Variants in FAT3 observed in about 807,000 individuals in gnomAD.
FAT3 encodes FAT atypical cadherin 3, also known as protocadherin Fat 3.
FAT3 carries 95 observed loss-of-function variants against 310.2 expected under a neutral mutation model. The ratio of observed to expected loss-of-function variants is 0.31; its 90% confidence interval spans 0.26 to 0.36. FAT3 has a LOEUF of 0.36. FAT3 is among the 10% of genes least tolerant of loss of function. FAT3 has a pLI of 1.00. For synonymous variants in FAT3, 2,314 were observed against 2,192.9 expected (o/e 1.06, Z -1.54); for missense variants, 5,408 against 5,715.6 (o/e 0.95, Z 1.74).
At chr11:92,446,944 A>G (rs2135102932) in intron 2 of FAT3, among the ~76,000 whole-genome samples, 1 of 152,284 alleles carries the variant, frequency 6.6e-6, no homozygotes, top group South Asian at 2.1e-4. Flanking sequence ...GCAGTTTTAT[A>G]TCTTTGTATT....
At chr11:92,736,471 GT>G (rs1468270138) in intron 4 of FAT3, among the ~76,000 whole-genome samples, 6 of 152,154 alleles carry the variant, frequency 3.9e-5, no homozygotes, top group African/African-American at 1.4e-4. Context: ...GTGAAATTGA[GT>G]AGAAGAATGG....
chr11:92,593,534 G>A (rs1939545834), intron 3 of FAT3, among the ~76,000 whole-genome samples: 1 of 151,844 alleles, frequency 6.6e-6, no homozygotes, highest in Non-Finnish European at 1.5e-5. Flanking sequence ...CCTGAGCTAA[G>A]CTGTACTGGG....
chr11:92,314,163 G>C, intron 1 of FAT3: 1 of 291,314 alleles, frequency 3.4e-6, no homozygotes, highest in Non-Finnish European at 5.1e-6. Context: ...ATTCTCAAAA[G>C]TGAAGACTAC....
At chr11:92,757,433 CT>C (rs953096224) in intron 4 of FAT3, among the ~76,000 whole-genome samples, 6 of 152,116 alleles carry the variant, frequency 3.9e-5, no homozygotes, top group Non-Finnish European at 8.8e-5. Flanking sequence ...TTCTTGCATC[CT>C]TAATAAGAAA....
At chr11:92,451,204 G>A (rs958501694) in intron 2 of FAT3, among the ~76,000 whole-genome samples, 10 of 152,270 alleles carry the variant, frequency 6.6e-5, no homozygotes, top group Admixed American at 1.3e-4. Context: ...TTACCCACTC[G>A]CCTTGTGTGG....
At chr11:92,813,510 A>C (rs1003503763) in intron 13 of FAT3, among the ~76,000 whole-genome samples, 6 of 152,134 alleles carry the variant, frequency 3.9e-5, no homozygotes. Flanking sequence ...TCATTTAAGC[A>C]CCACATTCAT....
chr11:92,385,880 C>T (rs1949607703), intron 2 of FAT3, among the ~76,000 whole-genome samples: 1 of 152,208 alleles, frequency 6.6e-6, no homozygotes. Context: ...GGTGCAGTGG[C>T]TCAGCCTGTA....
intron 1 of FAT3, among the ~76,000 whole-genome samples, chr11:92,290,995 C>A (rs1417391869): frequency 2.0e-5 from 3 of 151,482 alleles, no homozygotes; most frequent in Admixed American, 2.0e-4. Flanking sequence ...AGCTAGAAGC[C>A]CCTTAGCTGT....
intron 1 of FAT3, among the ~76,000 whole-genome samples, chr11:92,337,506 A>G (rs1948120885): frequency 6.6e-6 from 1 of 152,160 alleles, no homozygotes; most frequent in African/African-American, 2.4e-5. Flanking sequence ...ATCTCAGCTC[A>G]CTGCAACCTC....
intron 1 of FAT3, among the ~76,000 whole-genome samples, chr11:92,257,615 G>A (rs1490232257): frequency 6.6e-6 from 1 of 152,088 alleles, no homozygotes; most frequent in Non-Finnish European, 1.5e-5. Flanking sequence ...TGGAACCTTT[G>A]AAAAATGGCA....
intron 4 of FAT3, among the ~76,000 whole-genome samples, chr11:92,725,522 T>C (rs1438912192): frequency 6.6e-6 from 1 of 152,022 alleles, no homozygotes; most frequent in Non-Finnish European, 1.5e-5. Flanking sequence ...GTCAATTAAA[T>C]ACCCACTTTC....
Position 92,267,051 on chromosome 11 carries a change from G to A in FAT3, c.-18+41877G>A, listed in dbSNP as rs191499533. The stretch of plus-strand genomic sequence containing the variant: ...AAGGGCATTGAGAGGCTGCCTGCCT[G>A]ACACTGCCTTGCCTGTCACGCGGGT... On this transcript the variant is annotated intron_variant, in intron 1 of 27. Transcript: ENST00000525166. 5.8e-3 allele frequency among the ~76,000 whole-genome samples: 879 copies of A among 152,244 alleles called. 11 individuals carry two copies. The highest frequency in any genetic ancestry group is 0.02 in the African/African-American group (838 of 41,538).
intron 2 of FAT3, among the ~76,000 whole-genome samples, chr11:92,380,351 T>A (rs1949463411): frequency 6.6e-6 from 1 of 152,120 alleles, no homozygotes; most frequent in African/African-American, 2.4e-5. Context: ...TGGTCTTTAA[T>A]CAGTTCTGTA....
intron 3 of FAT3, among the ~76,000 whole-genome samples, chr11:92,631,629 T>A (rs2135703438): frequency 6.6e-6 from 1 of 152,286 alleles, no homozygotes; most frequent in South Asian, 2.1e-4. Context: ...TCCCCAGCCA[T>A]GCAGAACTGT....
At position 92,839,984 on chromosome 11, in the gene FAT3, C is replaced by T. The variant is rs142047444; in HGVS notation, c.10369-578C>T. ...AATGGAGGAATGTTTTACCCCGATTCGCTTCCCTAAAGGAACATGGCAAAA... is the reference window on the plus strand; with the variant it reads ...AATGGAGGAATGTTTTACCCCGATTTGCTTCCCTAAAGGAACATGGCAAAA... On this transcript the variant is annotated intron_variant, in intron 17 of 27. Transcript: ENST00000525166. 7.1e-3 allele frequency among the ~76,000 whole-genome samples: 1,075 copies of T among 152,264 alleles called. 6 individuals carry two copies. Among genetic ancestry groups the T allele is most frequent in the African/African-American group, 0.024 (1,010 of 41,540 alleles).
chr11:92,800,094 A>C lies in FAT3; in HGVS notation c.7081A>C (p.Thr2361Pro), dbSNP rs1397498209. 6.2e-7 allele frequency: 1 copy of C among 1,613,974 alleles called. No homozygotes were observed. The highest frequency in any genetic ancestry group is 1.7e-5 in the Admixed American group (1 of 60,030). The change falls in exon 10 of 28, where the codon ACT (threonine) becomes CCT (proline). Residue 2361 changes from threonine (T) to proline (P), a missense_variant. Thr to Pro is a conservative substitution (Grantham distance 38, BLOSUM62 -1). This residue lies in a region of FAT3 where 4,588 missense variants were observed against 4,809.8 expected (regional missense o/e 0.95). Transcript: ENST00000525166. ...GGACCATGAGTTAGTACAACACTGC[A>C]CTTTGAAAGTCAGATCAATAGATAG... ...MLDHELVQHC[T>P]LKVRSIDSGF...
At position 92,444,672 on chromosome 11, in the gene FAT3, A is replaced by G. The variant is rs746979147; in HGVS notation, c.3293-79962A>G. On this transcript the variant is annotated intron_variant, in intron 2 of 27. Coordinates refer to ENST00000525166, the MANE Select transcript of FAT3 (RefSeq NM_001367949.2). ...AATGGATATTACTGGGGGGGGGGGA[A>G]AACATACAGTTTATATTATTTTCTT... 3.6e-3 allele frequency among the ~76,000 whole-genome samples: 431 copies of G among 118,638 alleles called. 3 individuals carry two copies. Among genetic ancestry groups the G allele is most frequent in the East Asian group, 0.018 (52 of 2,942 alleles). The allele number at this position is 118,638 out of a possible 152,430, so 77.8% of individuals were successfully genotyped here. A position where few individuals can be genotyped will look rare whatever the true frequency, so the allele number is the denominator to read the frequency against.
intron 3 of FAT3, among the ~76,000 whole-genome samples, chr11:92,576,081 G>C (rs1299126039): frequency 1.3e-5 from 2 of 152,130 alleles, no homozygotes; most frequent in African/African-American, 4.8e-5. Context: ...GTAGGCAATT[G>C]CTGAGGCCTG....
intron 2 of FAT3, among the ~76,000 whole-genome samples, chr11:92,425,495 G>A (rs769670558): frequency 2.6e-5 from 4 of 151,932 alleles, no homozygotes; most frequent in East Asian, 1.9e-4. Flanking sequence ...CCATCAACCC[G>A]TCATCTACAT....
Sources: gnomAD v4.1 joint callset for allele counts (sites outside exome capture counted in the v4.1 genomes callset) on GRCh38, gnomAD v4.1.1 for gene constraint, gnomAD v4.1.1 regional missense constraint, MANE v1.5 for transcripts, NCBI Gene and HGNC (gene_info 2026-07-23, HGNC 2026-07-21) for gene names.